MGAM: variants seen among roughly 807,000 people sequenced by gnomAD.
MGAM encodes maltase-glucoamylase.
A neutral mutation model predicts 358.8 loss-of-function variants in MGAM; 253 were observed. The ratio of observed to expected loss-of-function variants is 0.71; its 90% confidence interval spans 0.64 to 0.78. The LOEUF is 0.78. MGAM is among the 30% of genes least tolerant of loss of function. MGAM has a pLI of 0.00. For synonymous variants in MGAM, 1,105 were observed against 1,227.1 expected (o/e 0.90, Z 2.08); for missense variants, 3,080 against 3,432.6 (o/e 0.90, Z 2.57).
chr7:142,103,632 G>T (rs1387691527), intron 70 of MGAM, among the ~76,000 whole-genome samples, 193 bp downstream of exon 70: 2 of 152,072 alleles, frequency 1.3e-5, no homozygotes, highest in African/African-American at 2.4e-5. Context: ...TGGAATCCAT[G>T]GCCTGGATTC....
intron 12 of MGAM, 63 bp from the exon 13 acceptor site, chr7:142,031,617 A>G: frequency 8.7e-7 from 1 of 1,143,714 alleles, no homozygotes; most frequent in Non-Finnish European, 1.3e-6. Context: ...TTTGCAAAGT[A>G]CTTTCCTTTA....
At chr7:142,057,829 G>A (rs147423575) in intron 30 of MGAM, among the ~76,000 whole-genome samples, 6 of 152,130 alleles carry the variant, frequency 3.9e-5, no homozygotes, top group Admixed American at 2.0e-4. Context: ...ATTATTATCC[G>A]TTATTTACAG....
chr7:142,028,537 A>G (rs551401563), intron 10 of MGAM, among the ~76,000 whole-genome samples: 1 of 152,326 alleles, frequency 6.6e-6, no homozygotes, highest in African/African-American at 2.4e-5. Context: ...GCATGTGACT[A>G]CATGGATGTG....
chr7:142,006,874 A>G (rs1470874802), intron 2 of MGAM, among the ~76,000 whole-genome samples: 2 of 152,122 alleles, frequency 1.3e-5, no homozygotes, highest in African/African-American at 4.8e-5. Flanking sequence ...TGAAAAAATT[A>G]ATTTTTATCT....
rs372084004 is a variant in MGAM, at chr7:142,049,863, A to G, written c.2588-372A>G. On this transcript the variant is annotated intron_variant, in intron 22 of 70. Coordinates refer to ENST00000475668, the MANE Select transcript of MGAM (RefSeq NM_001365693.1). Reference sequence around the variant, plus strand: ...ACTGTTGGTGAGAATGTAAATTGTTACAACCGTTATGGAAAATAGTATGCA... The same window carrying G: ...ACTGTTGGTGAGAATGTAAATTGTTGCAACCGTTATGGAAAATAGTATGCA... 3.9e-5 allele frequency among the ~76,000 whole-genome samples: 6 copies of G among 152,194 alleles called. No homozygotes were observed. In the East Asian group the frequency reaches 9.6e-4, roughly 24 times the overall value.
chr7:142,036,357 C>A, intron 17 of MGAM, 72 bp downstream of exon 17: 2 of 1,207,220 alleles, frequency 1.7e-6, no homozygotes, highest in African/African-American at 1.5e-5. Context: ...GCATCCTTGC[C>A]AAGAGATCTG....
chr7:142,074,089 A>G lies in MGAM; in HGVS notation c.5191A>G (p.Lys1731Glu), dbSNP rs1173828351. 4.6e-6 allele frequency: 7 copies of G among 1,537,618 alleles called. 1 individual carries two copies. In the Admixed American group the frequency reaches 5.2e-5, roughly 11 times the overall value. The change falls in exon 45 of 71, where the codon AAG becomes GAG. Residue 1731 changes from lysine (K) to glutamate (E), a missense_variant. By Grantham distance (56) the Lys-to-Glu change is moderately conservative (BLOSUM62 1). Around this residue, in one of 5 missense-constraint regions of MGAM, gnomAD observed 932 missense variants for 1,198.2 expected, o/e 0.78. Coordinates refer to ENST00000475668, the MANE Select transcript of MGAM (RefSeq NM_001365693.1). ...EPALNTHLSR[K>E]NPLGLIIALD... ...CTTGAATCTTGTTCCCCACAGTCGA[A>G]AGAACCCTCTTGGTCTTATTATTGC...
At position 142,036,893 on chromosome 7, in the gene MGAM, G is replaced by T. The variant is rs202196208; in HGVS notation, c.2147G>T (p.Arg716Leu). The T allele has an allele frequency of 6.2e-7, 1 of 1,613,558 alleles. No homozygotes were observed. The highest frequency in any genetic ancestry group is 1.7e-4 in the Middle Eastern group (1 of 6,060). ...TCCTCCAGGCACTACCTTAACATCCGCTATACTCTATTGCCCTACCTATAC... is the reference window on the plus strand; with the variant it reads ...TCCTCCAGGCACTACCTTAACATCCTCTATACTCTATTGCCCTACCTATAC... ...LNSSRHYLNI[R>L]YTLLPYLYTL... Residue 716 changes from arginine (R) to leucine (L), a missense_variant, in exon 18 of 71, where the codon CGC (arginine) becomes CTC (leucine). Transcript: ENST00000475668.
At chr7:142,058,387 G>T in intron 31 of MGAM, 59 bp downstream of exon 31, 1 of 1,604,742 alleles carries the variant, frequency 6.2e-7, no homozygotes, top group Non-Finnish European at 8.5e-7. Context: ...TCTGTGTCTG[G>T]GTTCATTTGT....
intron 47 of MGAM, 82 bp from the exon 48 acceptor site, chr7:142,078,236 A>G: frequency 2.8e-6 from 3 of 1,073,232 alleles, no homozygotes; most frequent in Non-Finnish European, 3.8e-6. Flanking sequence ...TTTTTCCAAA[A>G]TAAATAAATA....
chr7:142,059,341 G>A, intron 31 of MGAM, 131 bp from the exon 32 acceptor site: 5 of 1,419,392 alleles, frequency 3.5e-6, no homozygotes, highest in Admixed American at 2.6e-5. Flanking sequence ...CCTAACAAAT[G>A]GCAGAGCTGG....
At chr7:142,000,042 T>A (rs782483649) in intron 1 of MGAM, among the ~76,000 whole-genome samples, 16 of 152,208 alleles carry the variant, frequency 1.1e-4, no homozygotes, top group Admixed American at 2.6e-4. Flanking sequence ...TTTAAAAATA[T>A]GCTAATGATA....
At chr7:142,030,597 C>T (rs868922934) in intron 11 of MGAM, 44 bp from the exon 12 acceptor site, 1 of 1,603,206 alleles carries the variant, frequency 6.2e-7, no homozygotes, top group African/African-American at 1.3e-5. Flanking sequence ...TTCAGTGCCT[C>T]CGGTTTCCAG....
At position 142,076,906 on chromosome 7, in the gene MGAM, G is replaced by T. The variant is rs1813796120; in HGVS notation, c.5493+80G>T. ...TGTTTCTTCTTGCCAAGTTTGCATG[G>T]GTCCCTGAAGTACCAGGGCACCTTT... On this transcript the variant is annotated intron_variant, in intron 47 of 70. Transcript: ENST00000475668. The T allele has an allele frequency of 1.2e-5, 17 of 1,425,006 alleles. 1 individual carries two copies. Among genetic ancestry groups the T allele is most frequent in the Non-Finnish European group, 1.6e-5 (16 of 1,022,330 alleles). The allele number at this position is 1,425,006 out of a possible 1,614,324, so 88.3% of individuals were successfully genotyped here.
Position 142,095,796 on chromosome 7 carries a change from A to G in MGAM, c.7607+83A>G, listed in dbSNP as rs895974633. ...TGACAGTTGAATTCTTCCAAATTAA[A>G]GACATGATTGCCTTTTGACATGAGC... On this transcript the variant is annotated intron_variant, in intron 64 of 70. Transcript: ENST00000475668. The G allele has an allele frequency of 3.8e-6, 6 of 1,573,204 alleles. No homozygotes were observed. In the African/African-American group the frequency reaches 6.8e-5, roughly 18 times the overall value.
At chr7:142,103,578 T>G (rs568288902) in intron 70 of MGAM, 139 bp downstream of exon 70, 3 of 722,194 alleles carry the variant, frequency 4.2e-6, no homozygotes, top group Non-Finnish European at 6.2e-6. Context: ...GTGTTAGGAA[T>G]GGACCACGTG....
rs1810193132 is a variant in MGAM, at chr7:142,045,644, T to C, written c.2499-2141T>C. Among the ~76,000 whole-genome samples, 3 of 106,236 alleles carry C rather than the reference T, an allele frequency of 2.8e-5. 1 individual carries two copies. The highest frequency in any genetic ancestry group is 5.2e-5 in the Non-Finnish European group (3 of 57,788). 69.7% of individuals were successfully genotyped at this position (106,236 alleles called of 152,430 possible). On this transcript the variant is annotated intron_variant, in intron 21 of 70. Transcript: ENST00000475668. ...ACATACAATATATGAATATATAATA[T>C]ATATTATATACATACAATATATGAA...
chr7:142,044,081 T>G (rs1287972453), intron 21 of MGAM, among the ~76,000 whole-genome samples: 1 of 142,296 alleles, frequency 7.0e-6, no homozygotes, highest in South Asian at 2.1e-4. Context: ...TAATACATTA[T>G]ATACACATAC....
chr7:142,027,852 G>T, intron 10 of MGAM, 117 bp downstream of exon 10: 1 of 1,195,132 alleles, frequency 8.4e-7, no homozygotes, highest in Non-Finnish European at 1.1e-6. Context: ...GTAATGAAAG[G>T]AGTTTTAGAT....
Sources: allele counts gnomAD v4.1 joint callset (sites outside exome capture counted in the v4.1 genomes callset), GRCh38; gene constraint gnomAD v4.1.1; regional missense constraint gnomAD v4.1.1; transcripts MANE v1.5; gene names NCBI Gene and HGNC (gene_info 2026-07-23, HGNC 2026-07-21).